The following REV3L variants were observed in gnomAD, a reference collection of about 807,000 sequenced individuals.
REV3L encodes the protein DNA polymerase zeta catalytic subunit.
REV3L carries 69 observed loss-of-function variants against 299.4 expected under a neutral mutation model. That is an observed-to-expected ratio of 0.23 (90% CI 0.19 to 0.28). REV3L has a LOEUF of 0.28. Among genes scored for constraint, REV3L ranks in the 10% least tolerant of loss-of-function variants. The pLI is 1.00. For missense variants in REV3L, 3,128 were observed against 3,693.8 expected (o/e 0.85, Z 3.97); for synonymous variants, 1,238 against 1,271.4 (o/e 0.97, Z 0.56).
At chr6:111,412,691 G>A (rs943056500) in intron 2 of REV3L, among the ~76,000 whole-genome samples, 1 of 151,376 alleles carries the variant, frequency 6.6e-6, no homozygotes, top group Non-Finnish European at 1.5e-5. Flanking sequence ...TAATTTGGTA[G>A]CAGAGACATT....
intron 27 of REV3L, among the ~76,000 whole-genome samples, chr6:111,314,353 C>T (rs968835286): frequency 2.6e-5 from 4 of 152,096 alleles, no homozygotes; most frequent in Non-Finnish European, 4.4e-5. Flanking sequence ...TCTAGAGAGG[C>T]GTGGGACACT....
intron 12 of REV3L, 88 bp downstream of exon 12, chr6:111,377,613 A>T: frequency 7.8e-7 from 1 of 1,281,708 alleles, no homozygotes. Context: ...CTGGGATTAC[A>T]GGTGTGAGCC....
At chr6:111,464,146 T>C (rs1412292148) in intron 1 of REV3L, among the ~76,000 whole-genome samples, 1 of 151,920 alleles carries the variant, frequency 6.6e-6, no homozygotes, top group Admixed American at 6.6e-5. Context: ...AGGTTATCCA[T>C]AAATATGTTA....
At chr6:111,437,771 T>C (rs886436807) in intron 1 of REV3L, among the ~76,000 whole-genome samples, 1 of 152,126 alleles carries the variant, frequency 6.6e-6, no homozygotes, top group African/African-American at 2.4e-5. Context: ...ATTGCGCTTA[T>C]GGTTGCACAA....
At chr6:111,335,441 C>A in intron 22 of REV3L, 28 bp downstream of exon 22, 1 of 1,599,300 alleles carries the variant, frequency 6.3e-7, no homozygotes, top group Non-Finnish European at 8.5e-7. Flanking sequence ...ACAGAACTTT[C>A]AAGTCTGCAA....
intron 18 of REV3L, among the ~76,000 whole-genome samples, chr6:111,352,233 A>G (rs1777644739): frequency 6.6e-6 from 1 of 152,038 alleles, no homozygotes; most frequent in South Asian, 2.1e-4. Context: ...GTCTCAGACT[A>G]CTGACTTCCA....
intron 25 of REV3L, among the ~76,000 whole-genome samples, chr6:111,325,899 A>C (rs1437477866): frequency 6.6e-6 from 1 of 152,168 alleles, no homozygotes; most frequent in South Asian, 2.1e-4. Flanking sequence ...TGTACTCATT[A>C]ATCATTTCTA....
At position 111,474,988 on chromosome 6, in the gene REV3L, T is replaced by TATAC. The variant is rs151075609; in HGVS notation, c.139+7761_139+7762insGTAT. 9.8e-3 allele frequency among the ~76,000 whole-genome samples: 1,434 copies of TATAC among 145,916 alleles called. 9 individuals carry two copies. The highest frequency in any genetic ancestry group is 0.022 in the African/African-American group (838 of 38,448). On this transcript the variant is annotated intron_variant, in intron 1 of 31. Coordinates refer to ENST00000368802, the MANE Select transcript of REV3L (RefSeq NM_001372078.1). ...ATTACATTCTATAGCTGCCTATATATACACACACACACACACACACACACA... is the reference window on the plus strand; with the variant it reads ...ATTACATTCTATAGCTGCCTATATATATACACACACACACACACACACACACACA...
intron 26 of REV3L, among the ~76,000 whole-genome samples, chr6:111,316,191 T>G (rs1195043720): frequency 2.0e-5 from 3 of 147,572 alleles, no homozygotes; most frequent in African/African-American, 7.6e-5. Flanking sequence ...TGAACTGAGA[T>G]TATACTACTG....
At chr6:111,355,416 G>A (rs1777990061) in intron 18 of REV3L, among the ~76,000 whole-genome samples, 1 of 152,028 alleles carries the variant, frequency 6.6e-6, no homozygotes, top group African/African-American at 2.4e-5. Flanking sequence ...GTGCTGAGTA[G>A]GTACACAACA....
At chr6:111,352,434 T>C (rs889446875) in intron 18 of REV3L, among the ~76,000 whole-genome samples, 28 of 152,124 alleles carry the variant, frequency 1.8e-4, no homozygotes, top group Non-Finnish European at 7.4e-5. Context: ...CAAGTGAGAA[T>C]ATAATGTGGG....
chr6:111,402,451 T>C (rs560966249), intron 4 of REV3L, among the ~76,000 whole-genome samples: 10 of 152,334 alleles, frequency 6.6e-5, no homozygotes, highest in Non-Finnish European at 1.2e-4. Context: ...TTTCCAAGAT[T>C]AGTAAATGCC....
At chr6:111,351,957 G>A (rs560518115) in intron 18 of REV3L, among the ~76,000 whole-genome samples, 166 bp from the exon 19 acceptor site, 2 of 152,204 alleles carry the variant, frequency 1.3e-5, no homozygotes, top group African/African-American at 4.8e-5. Context: ...TTTTTATACA[G>A]GAAGAGATGG....
chr6:111,303,711 T>C (rs1447874452), intron 31 of REV3L, among the ~76,000 whole-genome samples: 1 of 46,718 alleles, frequency 2.1e-5, no homozygotes, highest in Non-Finnish European at 5.1e-5. Flanking sequence ...CTTTTTTTTT[T>C]TTTTTTTTTT....
intron 1 of REV3L, among the ~76,000 whole-genome samples, chr6:111,427,061 T>C (rs1297253267): frequency 6.6e-6 from 1 of 152,192 alleles, no homozygotes; most frequent in African/African-American, 2.4e-5. Flanking sequence ...AAAAAAATTC[T>C]GATTATGACA....
At chr6:111,468,237 T>C (rs1791740463) in intron 1 of REV3L, among the ~76,000 whole-genome samples, 1 of 152,188 alleles carries the variant, frequency 6.6e-6, no homozygotes, top group African/African-American at 2.4e-5. Context: ...CCATGCCTAA[T>C]ACTTAAACCT....
chr6:111,423,490 G>T (rs1562289642), intron 1 of REV3L, among the ~76,000 whole-genome samples: 1 of 152,114 alleles, frequency 6.6e-6, no homozygotes, highest in East Asian at 1.9e-4. Flanking sequence ...AAAAGAAAAA[G>T]AGTATGAGAA....
chr6:111,368,128 AATGTCC>A, intron 13 of REV3L, 100 bp from the exon 14 acceptor site: 4 of 1,006,462 alleles, frequency 4.0e-6, no homozygotes, highest in Non-Finnish European at 5.7e-6. Context: ...GAGTCTCAAA[AATGTCC>A]ATGTCTATCT....
Position 111,331,705 on chromosome 6 carries a change from CTG to C in REV3L, c.8003_8004del (p.Thr2668SerfsTer23). 1 of 1,613,104 alleles carries C rather than the reference CTG, an allele frequency of 6.2e-7. No individual in the cohort carries two copies. Among genetic ancestry groups the C allele is most frequent in the Non-Finnish European group, 8.5e-7 (1 of 1,179,370 alleles). On this transcript the variant is annotated frameshift_variant, in exon 24 of 32. Transcript: ENST00000368802. LOFTEE classifies it high-confidence loss of function. ...ACAAAAGCTACTCCATTGGGGGACA[CTG>C]TGATATCATGCCTAACTTGGTAAAG... is the stretch of plus-strand genomic sequence containing the variant. ...DLLYQVRHDI[T>X]VSPNGVAFVK... is the part of the protein sequence containing the mutation.
Sources: gnomAD v4.1 joint callset for allele counts (sites outside exome capture counted in the v4.1 genomes callset) on GRCh38, gnomAD v4.1.1 for gene constraint, MANE v1.5 for transcripts, NCBI Gene and HGNC (gene_info 2026-07-23, HGNC 2026-07-21) for gene names.